Variants in ADAM22 observed in about 807,000 individuals in gnomAD.
ADAM22 encodes disintegrin and metalloproteinase domain-containing protein 22.
Under a neutral mutation model 144.6 loss-of-function variants are expected in ADAM22, and 65 were observed. The observed-to-expected ratio is 0.45, with a 90% CI of 0.37 to 0.55. The LOEUF (loss-of-function observed/expected upper bound fraction) is 0.55. Among genes scored for constraint, ADAM22 ranks in the 20% least tolerant of loss-of-function variants. The pLI is 0.00. For synonymous variants in ADAM22, 391 were observed against 412.6 expected (o/e 0.95, Z 0.63); for missense variants, 974 against 1,184.9 (o/e 0.82, Z 2.61).
chr7:87,965,237 A>G (rs1052845280), intron 2 of ADAM22, among the ~76,000 whole-genome samples: 1 of 152,264 alleles, frequency 6.6e-6, no homozygotes, highest in Non-Finnish European at 1.5e-5. Flanking sequence ...GTCAAGTCAT[A>G]GGTGAAAACC....
intron 25 of ADAM22, among the ~76,000 whole-genome samples, chr7:88,171,142 A>T (rs1325586455): frequency 6.6e-6 from 1 of 151,912 alleles, no homozygotes; most frequent in Non-Finnish European, 1.5e-5. Flanking sequence ...TTAGGAATGA[A>T]TTATAATTTT....
chr7:88,059,685 T>A (rs924802171), intron 3 of ADAM22, among the ~76,000 whole-genome samples: 1 of 152,202 alleles, frequency 6.6e-6, no homozygotes, highest in African/African-American at 2.4e-5. Flanking sequence ...TATGCAGTCA[T>A]AAAAGAATGA....
rs1832904916 is a variant in ADAM22 at position 88,135,986 on chromosome 7, G to A, written c.1175G>A (p.Cys392Tyr). The change falls in exon 14 of 32, where the codon TGT becomes TAT. Residue 392 changes from cysteine to tyrosine, a missense_variant. Cys to Tyr is a radical substitution (Grantham distance 194). Around this residue, in one of 2 missense-constraint regions of ADAM22, gnomAD observed 734 missense variants for 950.6 expected, o/e 0.77. Transcript: ENST00000413139. ...SDKRKLASGE[C>Y]KCEDTWSGCI... ...TGTATTAATTTTCTCTTAGGTGAAT[G>A]TAAATGCGAGGACACGTGGTCCGGG... The A allele has an allele frequency of 2.5e-6, 4 of 1,611,556 alleles. No individual in the cohort carries two copies. The highest frequency in any genetic ancestry group is 3.4e-6 in the Non-Finnish European group (4 of 1,178,772).
intron 3 of ADAM22, among the ~76,000 whole-genome samples, chr7:88,040,180 G>A (rs1189778921): frequency 4.6e-5 from 7 of 151,680 alleles, no homozygotes. Context: ...CACCCAGGCT[G>A]AAGTACAGTG....
At chr7:88,046,225 C>T (rs1368546458) in intron 3 of ADAM22, among the ~76,000 whole-genome samples, 1 of 152,078 alleles carries the variant, frequency 6.6e-6, no homozygotes, top group Non-Finnish European at 1.5e-5. Flanking sequence ...CTCACCAGCC[C>T]TTGCTATCTT....
At chr7:87,998,187 T>C (rs1163797470) in intron 3 of ADAM22, among the ~76,000 whole-genome samples, 1 of 152,106 alleles carries the variant, frequency 6.6e-6, no homozygotes, top group East Asian at 1.9e-4. Context: ...TTGCAGCTGA[T>C]TAGATGGTGC....
chr7:87,954,367 G>T lies in ADAM22; in HGVS notation c.246+19181G>T, dbSNP rs559929700. Among the ~76,000 whole-genome samples, 86 of 152,102 alleles carry T rather than the reference G, an allele frequency of 5.7e-4. 1 individual carries two copies. The highest frequency in any genetic ancestry group is 2.0e-3 in the African/African-American group (82 of 41,472). On this transcript the variant is annotated intron_variant, in intron 2 of 31. Transcript: ENST00000413139. ...TGACAAAATCTCTCAGCATTTGCTT[G>T]TCTGTAAAGTATTTTATTTCTCCTT...
chr7:88,146,414 G>C (rs1225677539), intron 17 of ADAM22, among the ~76,000 whole-genome samples: 2 of 152,154 alleles, frequency 1.3e-5, no homozygotes, highest in Non-Finnish European at 2.9e-5. Context: ...AAGGACTTTT[G>C]TATCATCTTA....
At chr7:88,072,223 G>A (rs1185602254) in intron 3 of ADAM22, among the ~76,000 whole-genome samples, 1 of 151,982 alleles carries the variant, frequency 6.6e-6, no homozygotes, top group Non-Finnish European at 1.5e-5. Flanking sequence ...TGTATATAGA[G>A]GCTTGATTGA....
At chr7:87,983,640 AT>A (rs1854254150) in intron 3 of ADAM22, among the ~76,000 whole-genome samples, 1 of 152,070 alleles carries the variant, frequency 6.6e-6, no homozygotes, top group Admixed American at 6.5e-5. Context: ...ACTTATTACC[AT>A]TTCCTACCTT....
intron 2 of ADAM22, among the ~76,000 whole-genome samples, chr7:87,956,582 A>G (rs1438218489): frequency 6.6e-6 from 1 of 152,124 alleles, no homozygotes; most frequent in Non-Finnish European, 1.5e-5. Context: ...TCAAAAAGAA[A>G]CCTTATGCCC....
intron 26 of ADAM22, among the ~76,000 whole-genome samples, chr7:88,176,796 G>C (rs1845782353): frequency 6.6e-6 from 1 of 152,078 alleles, no homozygotes; most frequent in Non-Finnish European, 1.5e-5. Context: ...ACAGAGTCTT[G>C]CTCTGTTGCC....
rs1382515804 is a variant in ADAM22 at position 88,039,461 on chromosome 7, A to AT, written c.324-36165_324-36164insT. Reference sequence around the variant, plus strand: ...CGAGATTCTGTCTCAAAAAAAAAAAAAAAATATATATATATATATATATAC... The same window carrying AT: ...CGAGATTCTGTCTCAAAAAAAAAAAATAAAATATATATATATATATATATAC... On this transcript the variant is annotated intron_variant, in intron 3 of 31. Coordinates refer to ENST00000413139, the MANE Select transcript of ADAM22 (RefSeq NM_001324418.2). Among the ~76,000 whole-genome samples the AT allele has an allele frequency of 2.8e-4, 33 of 118,732 alleles. 4 individuals carry two copies. In the East Asian group the frequency reaches 4.3e-3, roughly 16 times the overall value. 77.9% of individuals were successfully genotyped at this position (118,732 alleles called of 152,430 possible).
chr7:87,953,429 A>G (rs565365848), intron 2 of ADAM22, among the ~76,000 whole-genome samples: 29 of 152,198 alleles, frequency 1.9e-4, no homozygotes, highest in Admixed American at 4.6e-4. Flanking sequence ...CAGGTTGTTC[A>G]GTTTCCATGT....
intron 7 of ADAM22, among the ~76,000 whole-genome samples, chr7:88,120,483 A>G (rs914453859): frequency 6.6e-6 from 1 of 152,182 alleles, no homozygotes; most frequent in Non-Finnish European, 1.5e-5. Flanking sequence ...TAATTGTTCC[A>G]CATCTTGACC....
chr7:88,061,887 G>A (rs1809988937), intron 3 of ADAM22, among the ~76,000 whole-genome samples: 1 of 146,298 alleles, frequency 6.8e-6, no homozygotes, highest in Non-Finnish European at 1.5e-5. Flanking sequence ...TTGTGGCCCA[G>A]GCTGGAGTAC....
intron 9 of ADAM22, 99 bp from the exon 10 acceptor site, chr7:88,130,289 C>G: frequency 2.7e-6 from 2 of 744,974 alleles, no homozygotes; most frequent in Non-Finnish European, 2.1e-6. Flanking sequence ...TTTTTTTTTA[C>G]ATTTTTAGGG....
intron 2 of ADAM22, among the ~76,000 whole-genome samples, chr7:87,959,407 G>A (rs1350889479): frequency 6.6e-6 from 1 of 151,902 alleles, no homozygotes; most frequent in South Asian, 2.1e-4. Context: ...ATCATTTCTT[G>A]GTATAAAACT....
At chr7:88,097,078 T>C (rs961538839) in intron 4 of ADAM22, among the ~76,000 whole-genome samples, 2 of 151,828 alleles carry the variant, frequency 1.3e-5, no homozygotes, top group African/African-American at 4.8e-5. Flanking sequence ...GAGCTTAGCA[T>C]GTAAGGCTCA....
Sources: gnomAD v4.1 joint callset for allele counts (sites outside exome capture counted in the v4.1 genomes callset) on GRCh38, gnomAD v4.1.1 for gene constraint, gnomAD v4.1.1 regional missense constraint, MANE v1.5 for transcripts, NCBI Gene and HGNC (gene_info 2026-07-23, HGNC 2026-07-21) for gene names.